Variants in TAFA2 observed in about 807,000 individuals in gnomAD.
TAFA2 encodes the protein TAFA chemokine like family member 2.
A neutral mutation model predicts 18.8 loss-of-function variants in TAFA2; 7 were observed. That is an observed-to-expected ratio of 0.37 (90% CI 0.21 to 0.70). TAFA2 has a LOEUF of 0.70. Among genes scored for constraint, TAFA2 ranks in the 30% least tolerant of loss-of-function variants. The probability of loss-of-function intolerance (pLI) is 0.53; values close to 1 mark genes in which losing one functional copy is unlikely to be tolerated. For synonymous variants in TAFA2, 60 were observed against 54.2 expected (o/e 1.11, Z -0.47); for missense variants, 122 against 158.1 (o/e 0.77, Z 1.23).
intron 4 of TAFA2, among the ~76,000 whole-genome samples, chr12:61,738,899 AGACT>A (rs919282177): frequency 6.6e-6 from 1 of 152,136 alleles, no homozygotes; most frequent in Non-Finnish European, 1.5e-5. Context: ...TTCTTTAACA[AGACT>A]GACTGCTGTG....
At chr12:61,957,385 G>T (rs1229012808) in intron 1 of TAFA2, among the ~76,000 whole-genome samples, 1 of 152,100 alleles carries the variant, frequency 6.6e-6, no homozygotes, top group African/African-American at 2.4e-5. Context: ...AAGACAGCTG[G>T]GGATTGTAGC....
chr12:61,927,476 A>G (rs1652729096), intron 1 of TAFA2, among the ~76,000 whole-genome samples: 1 of 152,204 alleles, frequency 6.6e-6, no homozygotes, highest in African/African-American at 2.4e-5. Flanking sequence ...GGACCCCATC[A>G]AGGAGAACTA....
Position 62,072,872 on chromosome 12 carries a change from C to T in TAFA2, c.-2+118387G>A, listed in dbSNP as rs949438622. Among the ~76,000 whole-genome samples the T allele has an allele frequency of 2.0e-5, 3 of 152,158 alleles. No individual in the cohort carries two copies. The East Asian group carries it at 5.8e-4, about 29-fold the overall frequency. On this transcript the variant is annotated intron_variant, in intron 1 of 4. Transcript: ENST00000416284. ...GCAAAGTAAAGAAAGAAAACTGATA[C>T]CCTGATCAACTGAAAAAGTTTACTT...
chr12:62,209,959 G>C (rs181536910), intron 1 of TAFA2, among the ~76,000 whole-genome samples: 1 of 152,170 alleles, frequency 6.6e-6, no homozygotes, highest in Admixed American at 6.5e-5. Context: ...CCAGCACCTT[G>C]GGAGGCCGAG....
chr12:62,213,925 G>A (rs1211358065), intron 1 of TAFA2, among the ~76,000 whole-genome samples: 1 of 152,142 alleles, frequency 6.6e-6, no homozygotes, highest in Non-Finnish European at 1.5e-5. Flanking sequence ...TCCTAGACCT[G>A]TGTACAAACA....
At chr12:62,139,235 G>A (rs552350958) in intron 1 of TAFA2, among the ~76,000 whole-genome samples, 1 of 152,308 alleles carries the variant, frequency 6.6e-6, no homozygotes, top group African/African-American at 2.4e-5. Flanking sequence ...TAGTCAGCAA[G>A]ATAGTCAGTA....
chr12:61,756,979 A>G (rs1004287155), intron 2 of TAFA2, among the ~76,000 whole-genome samples: 1 of 152,110 alleles, frequency 6.6e-6, no homozygotes, highest in African/African-American at 2.4e-5. Flanking sequence ...TTTGAGGGCA[A>G]TGTATCAGAA....
At position 61,892,675 on chromosome 12, in the gene TAFA2, A is replaced by G. The variant is rs1341041924; in HGVS notation, c.-1-25249T>C. Among the ~76,000 whole-genome samples the G allele has an allele frequency of 2.6e-5, 4 of 152,252 alleles. No individual in the cohort carries two copies. The East Asian group carries it at 7.8e-4, about 30-fold the overall frequency. ...AACATGGAAAAACTCCGTCTCTACT[A>G]AAAATACAACAGTATTACCTGGGTA... On this transcript the variant is annotated intron_variant, in intron 1 of 4. Coordinates refer to ENST00000416284, the MANE Select transcript of TAFA2 (RefSeq NM_178539.5).
chr12:61,778,655 T>C (rs78799645), intron 2 of TAFA2, among the ~76,000 whole-genome samples: 2,134 of 151,998 alleles, frequency 0.014, 96 homozygotes, highest in Admixed American at 0.091. Flanking sequence ...GAAAACTGTA[T>C]AGGAGACTGA....
chr12:62,197,768 T>C (rs553237682), upstream of TAFA2, among the ~76,000 whole-genome samples: 91 of 152,236 alleles, frequency 6.0e-4, 1 homozygote, highest in Non-Finnish European at 9.7e-4. Context: ...TGTGTTGTTG[T>C]ACATAGCAAT....
chr12:61,780,539 G>C (rs978295509), intron 2 of TAFA2, among the ~76,000 whole-genome samples: 1 of 151,356 alleles, frequency 6.6e-6, no homozygotes, highest in African/African-American at 2.4e-5. Context: ...TCTCTTGCCA[G>C]TTTTACAAGC....
chr12:62,015,876 G>T (rs1446177822), intron 1 of TAFA2, among the ~76,000 whole-genome samples: 1 of 152,164 alleles, frequency 6.6e-6, no homozygotes, highest in Non-Finnish European at 1.5e-5. Flanking sequence ...AATGGTGGTT[G>T]CCAGGGGCTA....
intron 1 of TAFA2, among the ~76,000 whole-genome samples, chr12:61,930,524 A>G (rs1012175268): frequency 6.6e-6 from 1 of 152,230 alleles, no homozygotes; most frequent in Admixed American, 6.5e-5. Context: ...TTTGCAGACA[A>G]GAAAGCTGAA....
intron 4 of TAFA2, among the ~76,000 whole-genome samples, chr12:61,747,160 A>G (rs1166966505): frequency 6.6e-6 from 1 of 152,162 alleles, no homozygotes; most frequent in Non-Finnish European, 1.5e-5. Flanking sequence ...CAAGACCACA[A>G]TGAGATACCA....
At chr12:61,921,137 T>C (rs1185434458) in intron 1 of TAFA2, among the ~76,000 whole-genome samples, 1 of 152,216 alleles carries the variant, frequency 6.6e-6, no homozygotes, top group Non-Finnish European at 1.5e-5. Flanking sequence ...GCTTTGACTC[T>C]GAATGGCAAA....
At chr12:62,173,019 T>A in intron 1 of TAFA2, among the ~76,000 whole-genome samples, 1 of 152,154 alleles carries the variant, frequency 6.6e-6, no homozygotes, top group Non-Finnish European at 1.5e-5. Context: ...ATACATGAAC[T>A]AATATATTAA....
intron 4 of TAFA2, among the ~76,000 whole-genome samples, chr12:61,734,267 A>G (rs1396833114): frequency 6.6e-6 from 1 of 151,272 alleles, no homozygotes; most frequent in Non-Finnish European, 1.5e-5. Context: ...CGCAAGGACA[A>G]AAAACCAAAT....
chr12:61,754,236 T>A (rs1037173276), intron 3 of TAFA2, among the ~76,000 whole-genome samples: 1 of 152,002 alleles, frequency 6.6e-6, no homozygotes, highest in African/African-American at 2.4e-5. Flanking sequence ...ATCAGAGTTA[T>A]CATAATTTTT....
At position 61,723,459 on chromosome 12, in the gene TAFA2, G is replaced by A. The variant is rs114179261; in HGVS notation, c.385-13042C>T. Among the ~76,000 whole-genome samples, 154 of 152,150 alleles carry A rather than the reference G, an allele frequency of 1.0e-3. 1 individual carries two copies. Among genetic ancestry groups the A allele is most frequent in the African/African-American group, 3.2e-3 (134 of 41,536 alleles). On this transcript the variant is annotated intron_variant, in intron 4 of 4. Coordinates refer to ENST00000416284, the MANE Select transcript of TAFA2 (RefSeq NM_178539.5). ...TTTCAGAAGAAGGAAAGCTAGAATCGATATTTGGATTCTCTGTAAACAGCA... is the reference window on the plus strand; with the variant it reads ...TTTCAGAAGAAGGAAAGCTAGAATCAATATTTGGATTCTCTGTAAACAGCA...
Sources: gnomAD v4.1 joint callset for allele counts (sites outside exome capture counted in the v4.1 genomes callset) on GRCh38, gnomAD v4.1.1 for gene constraint, MANE v1.5 for transcripts, NCBI Gene and HGNC (gene_info 2026-07-23, HGNC 2026-07-21) for gene names.